NBEA: variants seen among roughly 807,000 people sequenced by gnomAD.
NBEA encodes lysosomal-trafficking regulator 2.
Under a neutral mutation model 343.4 loss-of-function variants are expected in NBEA, and 44 were observed. That is an observed-to-expected ratio of 0.13 (90% CI 0.10 to 0.16). NBEA has a LOEUF of 0.16. NBEA is among the 10% of genes least tolerant of loss of function. The pLI is 1.00. For synonymous variants in NBEA, 1,175 were observed against 1,238.7 expected (o/e 0.95, Z 1.08); for missense variants, 2,555 against 3,631.3 (o/e 0.70, Z 7.62).
chr13:35,206,071 A>G (rs2073374770), intron 31 of NBEA, among the ~76,000 whole-genome samples: 1 of 152,064 alleles, frequency 6.6e-6, no homozygotes, highest in Non-Finnish European at 1.5e-5. Context: ...TTTCACATCA[A>G]TTGCTATTAA....
At chr13:35,570,704 C>G (rs1406837515) in intron 45 of NBEA, among the ~76,000 whole-genome samples, 1 of 152,172 alleles carries the variant, frequency 6.6e-6, no homozygotes, top group African/African-American at 2.4e-5. Flanking sequence ...TCCCATGCTT[C>G]ATTGAATTTC....
intron 38 of NBEA, among the ~76,000 whole-genome samples, chr13:35,380,975 T>C (rs2041980278): frequency 6.6e-6 from 1 of 152,214 alleles, no homozygotes; most frequent in Admixed American, 6.5e-5. Context: ...TTGTTAAAAG[T>C]TTTTATCCTA....
chr13:35,612,770 G>A (rs1447743695), intron 48 of NBEA, among the ~76,000 whole-genome samples: 3 of 152,074 alleles, frequency 2.0e-5, no homozygotes, highest in East Asian at 3.9e-4. Context: ...AGCTAAACAA[G>A]CAAGACCTAC....
At chr13:35,510,520 G>A (rs1449303432) in intron 41 of NBEA, among the ~76,000 whole-genome samples, 1 of 152,148 alleles carries the variant, frequency 6.6e-6, no homozygotes, top group Admixed American at 6.5e-5. Context: ...ACCTCGCTGG[G>A]ATGTGTGAGG....
intron 34 of NBEA, among the ~76,000 whole-genome samples, chr13:35,268,594 C>CCAA (rs941177896): frequency 6.6e-6 from 1 of 151,846 alleles, no homozygotes. Flanking sequence ...CACAAACACG[C>CCAA]CAACAACAAC....
At chr13:35,031,107 T>C (rs1056650812) in intron 1 of NBEA, among the ~76,000 whole-genome samples, 20 of 151,668 alleles carry the variant, frequency 1.3e-4, no homozygotes, top group African/African-American at 4.1e-4. Flanking sequence ...CCCTTTATTC[T>C]ACAAATTTAT....
intron 11 of NBEA, among the ~76,000 whole-genome samples, chr13:35,102,026 T>G (rs1370588575): frequency 6.6e-6 from 1 of 151,822 alleles, no homozygotes; most frequent in Non-Finnish European, 1.5e-5. Flanking sequence ...ATCTTTCATA[T>G]TTAGATCTAT....
At chr13:35,598,447 G>T (rs1859560248) in intron 47 of NBEA, among the ~76,000 whole-genome samples, 1 of 152,094 alleles carries the variant, frequency 6.6e-6, no homozygotes, top group African/African-American at 2.4e-5. Flanking sequence ...TCGTTCTTTT[G>T]TTTCCAGAAG....
At chr13:34,984,993 A>T (rs1458631199) in intron 1 of NBEA, among the ~76,000 whole-genome samples, 1 of 151,066 alleles carries the variant, frequency 6.6e-6, no homozygotes, top group African/African-American at 2.4e-5. Context: ...AACAGGGACA[A>T]TTTGACTTCT....
chr13:35,482,687 AT>A lies in NBEA; in HGVS notation c.6585+10159del, dbSNP rs950893533. 1.6e-4 allele frequency among the ~76,000 whole-genome samples: 24 copies of A among 150,774 alleles called. 1 individual carries two copies. The highest frequency in any genetic ancestry group is 7.0e-3 in the Middle Eastern group (2 of 286). ...ATAGCTTTGTTTTTCTGTGAAATTTATTTTTTTTAAGTTAGATATGTCTGTG... is the reference window on the plus strand; with the variant it reads ...ATAGCTTTGTTTTTCTGTGAAATTTATTTTTTTAAGTTAGATATGTCTGTG... On this transcript the variant is annotated intron_variant, in intron 41 of 58. Coordinates refer to ENST00000379939, the MANE Select transcript of NBEA (RefSeq NM_001385012.1).
At chr13:35,422,942 T>G (rs547579370) in intron 38 of NBEA, among the ~76,000 whole-genome samples, 231 of 152,352 alleles carry the variant, frequency 1.5e-3, no homozygotes, top group Non-Finnish European at 2.8e-3. Flanking sequence ...TGCATAAATG[T>G]CTTCTTTTGA....
At chr13:35,256,564 G>A (rs551229420) in intron 34 of NBEA, among the ~76,000 whole-genome samples, 16 of 152,248 alleles carry the variant, frequency 1.1e-4, no homozygotes, top group African/African-American at 2.6e-4. Context: ...CTCCTACGCC[G>A]TCAACATGAT....
intron 40 of NBEA, among the ~76,000 whole-genome samples, chr13:35,461,352 C>T (rs947443829): frequency 6.6e-6 from 1 of 152,112 alleles, no homozygotes; most frequent in Non-Finnish European, 1.5e-5. Context: ...TGATTTTCTA[C>T]TTTTTTCTCT....
intron 41 of NBEA, among the ~76,000 whole-genome samples, chr13:35,537,257 T>C (rs999658006): frequency 2.0e-5 from 3 of 152,184 alleles, no homozygotes; most frequent in Admixed American, 6.5e-5. Flanking sequence ...ACTCTGTTTA[T>C]ACTTCTGCTA....
At chr13:35,186,842 C>T (rs1194808903) in intron 30 of NBEA, among the ~76,000 whole-genome samples, 2 of 152,072 alleles carry the variant, frequency 1.3e-5, no homozygotes, top group Admixed American at 1.3e-4. Context: ...ATCACCAGTT[C>T]ACTTTCGGTG....
chr13:35,619,395 G>C (rs1030998002), intron 48 of NBEA, among the ~76,000 whole-genome samples: 18 of 151,990 alleles, frequency 1.2e-4, no homozygotes, highest in African/African-American at 4.1e-4. Flanking sequence ...GTGGTAGCAG[G>C]CTGGACAGGA....
intron 31 of NBEA, among the ~76,000 whole-genome samples, chr13:35,204,391 T>G (rs535275098): frequency 2.6e-5 from 4 of 152,162 alleles, no homozygotes; most frequent in Non-Finnish European, 4.4e-5. Context: ...GAAAGGCGCT[T>G]CTTATATGGT....
chr13:35,115,105 AT>A (rs2152666005), intron 13 of NBEA, among the ~76,000 whole-genome samples: 1 of 152,212 alleles, frequency 6.6e-6, no homozygotes, highest in South Asian at 2.1e-4. Flanking sequence ...GGTAATACAT[AT>A]TTATGGTAGC....
intron 1 of NBEA, 21 bp downstream of exon 1, chr13:34,943,135 C>T: frequency 6.2e-7 from 1 of 1,611,510 alleles, no homozygotes. Context: ...GGCGTGCTCT[C>T]AATCTGCTTC....
Sources: gnomAD v4.1 joint callset for allele counts (sites outside exome capture counted in the v4.1 genomes callset) on GRCh38, gnomAD v4.1.1 for gene constraint, MANE v1.5 for transcripts, NCBI Gene and HGNC (gene_info 2026-07-23, HGNC 2026-07-21) for gene names.